SP4: variants seen among roughly 807,000 people sequenced by gnomAD.
SP4 encodes the protein transcription factor Sp4.
In SP4, 19 loss-of-function variants were observed where a neutral mutation model predicts 72.8. The observed-to-expected ratio is 0.26, with a 90% CI of 0.18 to 0.38. The LOEUF is 0.38. Ranked by LOEUF, SP4 falls within the 10% of genes least tolerant of loss-of-function variation. The pLI, the probability that SP4 is intolerant of heterozygous loss-of-function variation, is 1.00. For missense variants in SP4, 1,008 were observed against 926.3 expected, an observed-to-expected ratio of 1.09 and a Z score of -1.14; for synonymous variants, 395 against 333.1, an observed-to-expected ratio of 1.19 and a Z score of -2.02.
intron 3 of SP4, among the ~76,000 whole-genome samples, chr7:21,432,848 T>G (rs997259539): frequency 1.3e-5 from 2 of 152,020 alleles, no homozygotes; most frequent in African/African-American, 4.8e-5. Flanking sequence ...TTAAAAAAAT[T>G]AGCTGGGTGT....
intron 5 of SP4, among the ~76,000 whole-genome samples, chr7:21,487,259 T>G (rs1784840845): frequency 6.6e-6 from 1 of 152,138 alleles, no homozygotes; most frequent in African/African-American, 2.4e-5. Flanking sequence ...GGTGTGCTGC[T>G]AATTTCATAA....
chr7:21,472,951 T>C (rs746411072), intron 3 of SP4, among the ~76,000 whole-genome samples: 16 of 152,158 alleles, frequency 1.1e-4, no homozygotes, highest in Non-Finnish European at 2.4e-4. Flanking sequence ...ACAATAGATT[T>C]GGTCATTAGA....
chr7:21,475,048 C>T (rs1472401617), intron 3 of SP4, among the ~76,000 whole-genome samples: 4 of 151,812 alleles, frequency 2.6e-5, no homozygotes, highest in African/African-American at 7.3e-5. Flanking sequence ...CTTGGTTGCC[C>T]CATACATTTA....
At chr7:21,453,988 T>TA (rs1783678253) in intron 3 of SP4, among the ~76,000 whole-genome samples, 1 of 152,242 alleles carries the variant, frequency 6.6e-6, no homozygotes, top group Non-Finnish European at 1.5e-5. Context: ...TATGATATTT[T>TA]ACCAAAAGTA....
intron 3 of SP4, among the ~76,000 whole-genome samples, chr7:21,475,869 A>G (rs1393833019): frequency 6.6e-6 from 1 of 152,242 alleles, no homozygotes; most frequent in Non-Finnish European, 1.5e-5. Flanking sequence ...TTTCTGAGGT[A>G]GAAACATTCT....
In SP4 at chr7:21,511,132, G is replaced by A; in HGVS notation, c.2218G>A (p.Ala740Thr). Residue 740 changes from alanine to threonine, a missense_variant, in exon 6 of 6, where the codon GCC becomes ACC. Physicochemically the swap from Ala to Thr is moderately conservative, Grantham distance 58. Transcript: ENST00000222584. Reference sequence around the variant, plus strand: ...TAAAAAAGGTGGTGGGACAGCTCTTGCCATTGTTACCTCGGGAGAACTGGA... The same window carrying A: ...TAAAAAAGGTGGTGGGACAGCTCTTACCATTGTTACCTCGGGAGAACTGGA... ...QNKKGGGTAL[A>T]IVTSGELDSS... 3.7e-6 allele frequency: 6 copies of A among 1,614,204 alleles called. No homozygotes were observed. The highest frequency in any genetic ancestry group is 5.1e-6 in the Non-Finnish European group (6 of 1,180,022).
chr7:21,486,696 G>A (rs565048179), intron 5 of SP4, among the ~76,000 whole-genome samples: 1 of 152,256 alleles, frequency 6.6e-6, no homozygotes, highest in African/African-American at 2.4e-5. Context: ...TGTTAACCCT[G>A]ATGTATTGGT....
intron 3 of SP4, among the ~76,000 whole-genome samples, chr7:21,454,073 ACT>A (rs1481139168): frequency 2.6e-5 from 4 of 152,164 alleles, no homozygotes; most frequent in African/African-American, 9.7e-5. Flanking sequence ...TACATGGTTA[ACT>A]CTTAGCAGCT....
Position 21,511,749 on chromosome 7 carries a change from G to T in SP4, c.*480G>T. On this transcript the variant is annotated 3_prime_UTR_variant, in exon 6 of 6. Coordinates refer to ENST00000222584, the MANE Select transcript of SP4 (RefSeq NM_003112.5). ...ACTGTATTTCCTTAGCTTGATTTTT[G>T]GAAAATCAACCGAAAATAGTTTGGC... is the stretch of plus-strand genomic sequence containing the variant. 1 of 154,182 alleles carries T rather than the reference G, an allele frequency of 6.5e-6. No homozygotes were observed. The highest frequency in any genetic ancestry group is 1.4e-5 in the Non-Finnish European group (1 of 69,068). The allele number at this position is 154,182 out of a possible 1,614,324, so 9.6% of individuals were successfully genotyped here.
At chr7:21,482,511 C>A in intron 5 of SP4, 1 of 314,000 alleles carries the variant, frequency 3.2e-6, no homozygotes, top group Non-Finnish European at 4.6e-6. Context: ...CCAGAAAATT[C>A]ACCAAAGTAT....
intron 5 of SP4, among the ~76,000 whole-genome samples, chr7:21,488,050 G>A (rs1004311834): frequency 2.0e-5 from 3 of 151,928 alleles, no homozygotes; most frequent in African/African-American, 7.3e-5. Flanking sequence ...TTTTTGCAGA[G>A]ACAGATTTTT....
At chr7:21,459,932 T>C (rs146351591) in intron 3 of SP4, among the ~76,000 whole-genome samples, 262 of 152,208 alleles carry the variant, frequency 1.7e-3, no homozygotes, top group African/African-American at 5.9e-3. Flanking sequence ...TTCATTAAAA[T>C]AAAAGGTAAT....
intron 4 of SP4, among the ~76,000 whole-genome samples, chr7:21,478,809 C>G (rs1784592290): frequency 6.6e-6 from 1 of 152,112 alleles, no homozygotes; most frequent in African/African-American, 2.4e-5. Context: ...GTGGCTCACG[C>G]CTGTAATCCC....
intron 3 of SP4, among the ~76,000 whole-genome samples, chr7:21,438,103 G>A (rs1449144665): frequency 7.9e-5 from 12 of 151,674 alleles, no homozygotes. Flanking sequence ...ACACAACAGT[G>A]GAATGGTTTG....
rs146660608 is a variant in SP4, at chr7:21,439,609, G to C, written c.1678+8766G>C. On this transcript the variant is annotated intron_variant, in intron 3 of 5. Coordinates refer to ENST00000222584, the MANE Select transcript of SP4 (RefSeq NM_003112.5). ...AAAGGTGTTTTTTGAAAATGTTTGA[G>C]GCCAAGTGCAATGGCTCATCCTGGA... 2.9e-3 allele frequency among the ~76,000 whole-genome samples: 440 copies of C among 151,804 alleles called. 2 individuals are homozygous for C. Among genetic ancestry groups the C allele is most frequent in the Middle Eastern group, 0.017 (5 of 294 alleles).
chr7:21,434,214 C>G (rs372964860), intron 3 of SP4, among the ~76,000 whole-genome samples: 1 of 152,140 alleles, frequency 6.6e-6, no homozygotes, highest in Non-Finnish European at 1.5e-5. Context: ...GTAGCTTTGA[C>G]GGAATGTAAT....
rs974289229 is a variant in SP4 at position 21,477,292 on chromosome 7, G to A, written c.1892G>A (p.Arg631Lys). Residue 631 changes from arginine to lysine, a missense_variant, in exon 4 of 6, where the codon AGG (arginine) becomes AAG (lysine). Arg to Lys is a conservative substitution (Grantham distance 26, BLOSUM62 2). Around this residue, in one of 3 missense-constraint regions of SP4, gnomAD observed 893 missense variants for 743.3 expected, o/e 1.20. Transcript: ENST00000222584. ...GTTGCCTGTTCCTGTCCTAATTGTA[G>A]GGAAGGAGAAGGAAGGTAAATGCTG... ...RRVACSCPNC[R>K]EGEGRGSNEP... 1.9e-6 allele frequency: 3 copies of A among 1,611,626 alleles called. No homozygotes were observed. Among genetic ancestry groups the A allele is most frequent in the African/African-American group, 2.7e-5 (2 of 74,906 alleles).
At chr7:21,497,495 G>GT (rs34946960) in intron 5 of SP4, among the ~76,000 whole-genome samples, 5,390 of 152,256 alleles carry the variant, frequency 0.035, 354 homozygotes, top group East Asian at 0.27. Context: ...GCTTTTGACA[G>GT]TTTTTTTCCC....
At chr7:21,494,141 G>A (rs1209093175) in intron 5 of SP4, among the ~76,000 whole-genome samples, 6 of 152,052 alleles carry the variant, frequency 3.9e-5, no homozygotes, top group African/African-American at 2.4e-5. Context: ...ATCATTAACT[G>A]GGTAAAGGGC....
Sources: allele counts gnomAD v4.1 joint callset (sites outside exome capture counted in the v4.1 genomes callset), GRCh38; gene constraint gnomAD v4.1.1; regional missense constraint gnomAD v4.1.1; transcripts MANE v1.5; gene names NCBI Gene and HGNC (gene_info 2026-07-23, HGNC 2026-07-21).